Variants in PCDH9 observed in about 807,000 individuals in gnomAD.
PCDH9 encodes the protein protocadherin 9, also known as protocadherin-9.
A neutral mutation model predicts 70.6 loss-of-function variants in PCDH9; 24 were observed. The ratio of observed to expected loss-of-function variants is 0.34; its 90% CI spans 0.25 to 0.48. PCDH9 has a LOEUF of 0.48. PCDH9 is among the 20% of genes least tolerant of loss of function. The probability of loss-of-function intolerance (pLI) is 0.99; values close to 1 mark genes in which losing one functional copy is unlikely to be tolerated. For synonymous variants in PCDH9, 562 were observed against 558.5 expected, an observed-to-expected ratio of 1.01 and a Z score of -0.09; for missense variants, 1,281 against 1,503.6, an observed-to-expected ratio of 0.85 and a Z score of 2.45.
rs888782195 is a variant in PCDH9, at chr13:66,983,448, G to GA, written c.3037-79844dup. Among the ~76,000 whole-genome samples the GA allele has an allele frequency of 1.6e-4, 25 of 151,778 alleles. No homozygotes were observed. The South Asian group carries it at 1.7e-3, about 10-fold the overall frequency. On this transcript the variant is annotated intron_variant, in intron 2 of 4. Coordinates refer to ENST00000377865, the MANE Select transcript of PCDH9 (RefSeq NM_203487.3). ...TTCCAATTCATGAAAAAGTGAGTGT[G>GA]AAAAAAAATAAAAGGAGAAAACAGA...
At chr13:66,983,108 T>C (rs1475354466) in intron 2 of PCDH9, among the ~76,000 whole-genome samples, 1 of 152,168 alleles carries the variant, frequency 6.6e-6, no homozygotes, top group Non-Finnish European at 1.5e-5. Context: ...GAATAGCTAA[T>C]GGATGCTAAG....
chr13:66,634,305 T>C (rs562714789), intron 3 of PCDH9, among the ~76,000 whole-genome samples: 1 of 152,276 alleles, frequency 6.6e-6, no homozygotes, highest in Non-Finnish European at 1.5e-5. Context: ...ATGAAGCAAA[T>C]TGATGAAACA....
intron 4 of PCDH9, among the ~76,000 whole-genome samples, chr13:66,416,930 AT>A (rs1269513056): frequency 4.6e-5 from 7 of 152,210 alleles, no homozygotes; most frequent in African/African-American, 1.7e-4. Flanking sequence ...ATCCCAAGGA[AT>A]AAAAATGTTA....
intron 2 of PCDH9, among the ~76,000 whole-genome samples, chr13:66,984,721 T>C (rs960613932): frequency 6.6e-6 from 1 of 152,148 alleles, no homozygotes; most frequent in Non-Finnish European, 1.5e-5. Context: ...ATAATTTCAA[T>C]TTACTATCAA....
chr13:67,104,166 A>T (rs1002909561), intron 2 of PCDH9, among the ~76,000 whole-genome samples: 4 of 152,198 alleles, frequency 2.6e-5, no homozygotes, highest in African/African-American at 7.2e-5. Flanking sequence ...TGGGTCCTGG[A>T]GTTTTAAGTA....
chr13:66,354,582 T>C (rs767260070), intron 4 of PCDH9, among the ~76,000 whole-genome samples: 7 of 152,078 alleles, frequency 4.6e-5, no homozygotes, highest in Non-Finnish European at 7.4e-5. Context: ...AGCGGCACTT[T>C]CTAATAGCGG....
chr13:66,500,139 A>G (rs1959168882), intron 4 of PCDH9, among the ~76,000 whole-genome samples: 1 of 152,254 alleles, frequency 6.6e-6, no homozygotes, highest in African/African-American at 2.4e-5. Context: ...TCTATTAGAT[A>G]ATATAGCATT....
chr13:66,309,167 C>T (rs117804653), intron 4 of PCDH9, among the ~76,000 whole-genome samples: 2 of 151,442 alleles, frequency 1.3e-5, no homozygotes, highest in African/African-American at 2.4e-5. Flanking sequence ...TATGTAATTC[C>T]CAGTAATTGC....
intron 4 of PCDH9, among the ~76,000 whole-genome samples, chr13:66,438,419 C>T (rs923581697): frequency 6.6e-6 from 1 of 151,190 alleles, no homozygotes; most frequent in African/African-American, 2.5e-5. Context: ...CATGTTTAGG[C>T]ACTAGCAAGG....
intron 3 of PCDH9, among the ~76,000 whole-genome samples, chr13:66,703,439 C>T (rs2078672666): frequency 6.6e-6 from 1 of 152,112 alleles, no homozygotes; most frequent in Non-Finnish European, 1.5e-5. Flanking sequence ...TTAGTTAATG[C>T]TATAATAGAC....
At chr13:66,609,538 T>C (rs1273151850) in intron 4 of PCDH9, among the ~76,000 whole-genome samples, 1 of 152,080 alleles carries the variant, frequency 6.6e-6, no homozygotes, top group Non-Finnish European at 1.5e-5. Context: ...ATTTTAGTTT[T>C]GAAAACTCTT....
chr13:66,840,815 A>G (rs1160678077), intron 3 of PCDH9, among the ~76,000 whole-genome samples: 1 of 152,256 alleles, frequency 6.6e-6, no homozygotes, highest in Non-Finnish European at 1.5e-5. Context: ...TTCAATTACA[A>G]CAGGAGAGCA....
chr13:66,914,647 T>C (rs2082528380), intron 2 of PCDH9, among the ~76,000 whole-genome samples: 1 of 151,896 alleles, frequency 6.6e-6, no homozygotes, highest in Non-Finnish European at 1.5e-5. Flanking sequence ...AAAAGCACAT[T>C]GAATGCTGTA....
intron 3 of PCDH9, among the ~76,000 whole-genome samples, chr13:66,900,494 G>A (rs1237790737): frequency 2.6e-5 from 4 of 151,816 alleles, no homozygotes; most frequent in Non-Finnish European, 5.9e-5. Context: ...ATACTCTAGT[G>A]GTAGATGAGA....
chr13:66,613,442 T>C (rs1440549684), intron 4 of PCDH9, among the ~76,000 whole-genome samples: 1 of 152,208 alleles, frequency 6.6e-6, no homozygotes, highest in African/African-American at 2.4e-5. Flanking sequence ...GCCCCTCAAC[T>C]GTCACTGTTT....
chr13:66,614,450 A>G (rs981617036), intron 4 of PCDH9, among the ~76,000 whole-genome samples: 12 of 152,254 alleles, frequency 7.9e-5, no homozygotes, highest in Admixed American at 5.2e-4. Flanking sequence ...AAAGGATTAT[A>G]AAAGGTTTTT....
At position 66,485,077 on chromosome 13, in the gene PCDH9, G is replaced by T. The variant is rs192255149; in HGVS notation, c.3340+146133C>A. ...CTTTTTTATTCCATTTTGCAAGAAT[G>T]TGAAATAGAAAGGCAGATGATAAAT... On this transcript the variant is annotated intron_variant, in intron 4 of 4. Coordinates refer to ENST00000377865, the MANE Select transcript of PCDH9 (RefSeq NM_203487.3). 2.6e-5 allele frequency among the ~76,000 whole-genome samples: 4 copies of T among 152,268 alleles called. No individual in the cohort carries two copies. In the East Asian group the frequency reaches 7.7e-4, roughly 29 times the overall value.
chr13:66,594,334 A>G (rs2077075427), intron 4 of PCDH9, among the ~76,000 whole-genome samples: 1 of 151,760 alleles, frequency 6.6e-6, no homozygotes, highest in Admixed American at 6.6e-5. Context: ...AATTTCTGTG[A>G]AAGAAACGTG....
intron 1 of PCDH9, among the ~76,000 whole-genome samples, chr13:67,229,112 G>T (rs991667550): frequency 1.3e-5 from 2 of 152,148 alleles, no homozygotes; most frequent in Non-Finnish European, 2.9e-5. Flanking sequence ...CGAGCATCCG[G>T]ACATGCCGCT....
Sources: gnomAD v4.1 joint callset for allele counts (sites outside exome capture counted in the v4.1 genomes callset) on GRCh38, gnomAD v4.1.1 for gene constraint, MANE v1.5 for transcripts, NCBI Gene and HGNC (gene_info 2026-07-23, HGNC 2026-07-21) for gene names.